MAGI2: variants seen among roughly 807,000 people sequenced by gnomAD.
MAGI2 encodes membrane-associated guanylate kinase, WW and PDZ domain-containing protein 2.
In MAGI2, 35 loss-of-function variants were observed where a neutral mutation model predicts 133.3. The ratio of observed to expected loss-of-function variants is 0.26; its 90% confidence interval spans 0.20 to 0.35. The LOEUF (loss-of-function observed/expected upper bound fraction) is 0.35. Ranked by LOEUF, MAGI2 falls within the 10% of genes least tolerant of loss-of-function variation. The probability of loss-of-function intolerance (pLI) is 1.00; values close to 1 mark genes in which losing one functional copy is unlikely to be tolerated. For synonymous variants in MAGI2, 729 were observed against 710.6 expected, an observed-to-expected ratio of 1.03 and a Z score of -0.41; for missense variants, 1,636 against 1,863.4, an observed-to-expected ratio of 0.88 and a Z score of 2.25.
intron 2 of MAGI2, among the ~76,000 whole-genome samples, chr7:78,947,987 C>T (rs1029220628): frequency 1.3e-5 from 2 of 151,924 alleles, no homozygotes; most frequent in African/African-American, 4.8e-5. Flanking sequence ...TGACAATGTG[C>T]ATTTGATGGA....
intron 6 of MAGI2, among the ~76,000 whole-genome samples, chr7:78,455,413 T>C (rs62467065): frequency 0.043 from 6,533 of 152,198 alleles, 204 homozygotes; most frequent in Non-Finnish European, 0.06. Context: ...ACAATTGTAA[T>C]AAACATACCT....
chr7:78,944,077 T>C (rs541287991), intron 2 of MAGI2, among the ~76,000 whole-genome samples: 1 of 152,262 alleles, frequency 6.6e-6, no homozygotes, highest in Non-Finnish European at 1.5e-5. Context: ...GCTAAGTAAA[T>C]TCCCAGATGG....
At chr7:78,185,496 A>G (rs147574176) in intron 13 of MAGI2, 133 bp downstream of exon 13, 29 of 557,898 alleles carry the variant, frequency 5.2e-5, no homozygotes, top group African/African-American at 4.1e-4. Context: ...TACCTTGAAT[A>G]CATGTTTTAT....
At position 79,220,981 on chromosome 7, in the gene MAGI2, G is replaced by A. The variant is rs368225920; in HGVS notation, c.302-213775C>T. ...AGCTTAAAATTCACCACCAGTAAAC[G>A]GGGAGGTCTGAGGAGTGGTGTGTAG... On this transcript the variant is annotated intron_variant, in intron 1 of 21. Transcript: ENST00000354212. Among the ~76,000 whole-genome samples, 8 of 152,078 alleles carry A rather than the reference G, an allele frequency of 5.3e-5. 1 individual carries two copies. Among genetic ancestry groups the A allele is most frequent in the South Asian group, 2.1e-4 (1 of 4,824 alleles).
At chr7:78,162,318 G>A (rs1233511705) in intron 15 of MAGI2, among the ~76,000 whole-genome samples, 1 of 147,912 alleles carries the variant, frequency 6.8e-6, no homozygotes, top group Non-Finnish European at 1.5e-5. Context: ...GAGGTCAGGA[G>A]ATCGAGACCA....
At chr7:79,066,330 A>AT (rs1221714451) in intron 1 of MAGI2, among the ~76,000 whole-genome samples, 2 of 149,696 alleles carry the variant, frequency 1.3e-5, no homozygotes, top group African/African-American at 2.5e-5. Flanking sequence ...GATGATGAAC[A>AT]TTTTTTCATA....
chr7:78,109,719 A>T (rs1167290927), intron 20 of MAGI2, among the ~76,000 whole-genome samples: 5 of 152,204 alleles, frequency 3.3e-5, no homozygotes, highest in Non-Finnish European at 7.3e-5. Flanking sequence ...TTGAGGAAAC[A>T]AGTGATTTAA....
chr7:78,373,104 G>A (rs189953251), intron 6 of MAGI2, among the ~76,000 whole-genome samples: 11 of 152,238 alleles, frequency 7.2e-5, no homozygotes, highest in African/African-American at 2.2e-4. Context: ...ACCACAGTGC[G>A]CATCACTGTG....
intron 2 of MAGI2, among the ~76,000 whole-genome samples, chr7:79,002,742 T>C (rs921221860): frequency 9.2e-5 from 14 of 152,016 alleles, no homozygotes; most frequent in African/African-American, 3.4e-4. Flanking sequence ...TCTTAAGATG[T>C]AAGTTTTGTT....
chr7:78,264,504 A>G (rs1793810848), intron 9 of MAGI2, among the ~76,000 whole-genome samples: 1 of 152,186 alleles, frequency 6.6e-6, no homozygotes, highest in Non-Finnish European at 1.5e-5. Context: ...AGTGAAGCAG[A>G]TAATTGCAAA....
intron 21 of MAGI2, among the ~76,000 whole-genome samples, chr7:78,031,919 A>T (rs1292607781): frequency 6.6e-6 from 1 of 151,964 alleles, no homozygotes; most frequent in Non-Finnish European, 1.5e-5. Context: ...GGGCTTGGGC[A>T]TAAGATTAGT....
At chr7:78,978,254 C>T (rs1424125669) in intron 2 of MAGI2, among the ~76,000 whole-genome samples, 1 of 151,696 alleles carries the variant, frequency 6.6e-6, no homozygotes, top group Non-Finnish European at 1.5e-5. Context: ...ATTGCCAAAA[C>T]CTGAAGCACC....
intron 2 of MAGI2, among the ~76,000 whole-genome samples, chr7:78,747,924 C>A (rs1006683226): frequency 2.6e-5 from 4 of 152,250 alleles, no homozygotes; most frequent in African/African-American, 9.6e-5. Flanking sequence ...TACATACCAC[C>A]ATATGGCTAC....
At chr7:78,830,140 AATTTT>A (rs1263845200) in intron 2 of MAGI2, among the ~76,000 whole-genome samples, 1 of 152,118 alleles carries the variant, frequency 6.6e-6, no homozygotes, top group Non-Finnish European at 1.5e-5. Flanking sequence ...GATTCCAAGC[AATTTT>A]ATAGCAGTTC....
chr7:78,160,307 C>T, intron 15 of MAGI2, 34 bp from the exon 16 acceptor site: 1 of 1,535,122 alleles, frequency 6.5e-7, no homozygotes, highest in East Asian at 2.3e-5. Context: ...TAATCAATTA[C>T]CTTACAAGGG....
rs139657834 is a variant in MAGI2 at position 78,132,694 on chromosome 7, G to C, written c.3203+195C>G. ...CAGGAAAGCATCTCTCTTTGTGAAGGACAGACACTCAGCTATCTTTACTAA... is the reference window on the plus strand; with the variant it reads ...CAGGAAAGCATCTCTCTTTGTGAAGCACAGACACTCAGCTATCTTTACTAA... On this transcript the variant is annotated intron_variant, in intron 18 of 21. Coordinates refer to ENST00000354212, the MANE Select transcript of MAGI2 (RefSeq NM_012301.4). Among the ~76,000 whole-genome samples the C allele has an allele frequency of 2.4e-3, 371 of 152,294 alleles. 3 individuals carry two copies. Among genetic ancestry groups the C allele is most frequent in the African/African-American group, 8.5e-3 (352 of 41,562 alleles).
At chr7:78,239,226 A>C (rs11761747) in intron 10 of MAGI2, among the ~76,000 whole-genome samples, 44,202 of 151,896 alleles carry the variant, frequency 0.29, 7,444 homozygotes, top group Non-Finnish European at 0.37. Flanking sequence ...GGATGAAATT[A>C]GATTATATCT....
At chr7:78,654,621 A>T (rs1435222876) in intron 2 of MAGI2, among the ~76,000 whole-genome samples, 1 of 150,130 alleles carries the variant, frequency 6.7e-6, no homozygotes, top group South Asian at 2.1e-4. Context: ...ACTAGCCCAT[A>T]GCCCCATTTC....
At chr7:78,397,598 A>G (rs908605427) in intron 6 of MAGI2, among the ~76,000 whole-genome samples, 6 of 152,276 alleles carry the variant, frequency 3.9e-5, no homozygotes, top group Admixed American at 6.6e-5. Flanking sequence ...GAGCTAAGGT[A>G]TGACTTTGTG....
Sources: allele counts gnomAD v4.1 joint callset (sites outside exome capture counted in the v4.1 genomes callset), GRCh38; gene constraint gnomAD v4.1.1; transcripts MANE v1.5; gene names NCBI Gene and HGNC (gene_info 2026-07-23, HGNC 2026-07-21).